Variants in MYH9 observed in about 807,000 individuals in gnomAD.
MYH9 encodes the protein myosin-9.
In MYH9, 29 loss-of-function variants were observed where a neutral mutation model predicts 241.9. The ratio of observed to expected loss-of-function variants is 0.12; its 90% CI spans 0.09 to 0.16. The LOEUF (loss-of-function observed/expected upper bound fraction) is 0.16. MYH9 is among the 10% of genes least tolerant of loss of function. The pLI, the probability that MYH9 is intolerant of heterozygous loss-of-function variation, is 1.00. For missense variants in MYH9, 1,803 were observed against 2,595.5 expected (o/e 0.69, Z 6.63); for synonymous variants, 1,047 against 1,062.6 (o/e 0.99, Z 0.29).
At chr22:36,297,667 A>G (rs752814139) in intron 24 of MYH9, among the ~76,000 whole-genome samples, 17 of 152,202 alleles carry the variant, frequency 1.1e-4, no homozygotes, top group Non-Finnish European at 2.2e-4. Context: ...ACATTTGTCT[A>G]GGATTCCATT....
At chr22:36,299,708 C>T (rs374627065) in intron 23 of MYH9, among the ~76,000 whole-genome samples, 3 of 152,292 alleles carry the variant, frequency 2.0e-5, no homozygotes, top group Non-Finnish European at 4.4e-5. Context: ...GGGCAGACAC[C>T]GACAGGGACC....
chr22:36,332,009 G>A (rs577735795), intron 3 of MYH9, among the ~76,000 whole-genome samples: 16 of 152,240 alleles, frequency 1.1e-4, no homozygotes, highest in South Asian at 2.1e-4. Context: ...CTTGCTATAT[G>A]TGTTGGCACT....
At chr22:36,343,800 G>A (rs901523672) in intron 2 of MYH9, among the ~76,000 whole-genome samples, 19 of 152,168 alleles carry the variant, frequency 1.2e-4, no homozygotes, top group Non-Finnish European at 1.8e-4. Flanking sequence ...TTTCCTCTGC[G>A]TGAATGTTGA....
rs71323001 is a variant in MYH9, at chr22:36,353,102, C to CGTGT, written c.-19-3851_-19-3848dup. 2.8e-3 allele frequency among the ~76,000 whole-genome samples: 403 copies of CGTGT among 142,968 alleles called. 1 individual carries two copies. The highest frequency in any genetic ancestry group is 6.0e-3 in the African/African-American group (215 of 36,126). The allele number at this position is 142,968 out of a possible 152,430, so 93.8% of individuals were successfully genotyped here. On this transcript the variant is annotated intron_variant, in intron 1 of 40. Transcript: ENST00000216181. The stretch of plus-strand genomic sequence containing the variant: ...CACTCGTATCCTGTGCCTCTGGGGG[C>CGTGT]GTGTGTGTGTGTGTGTGTGTGTGTG...
rs201405521 is a variant in MYH9, at chr22:36,288,915, G to T, written c.4582C>A (p.Arg1528=). The T allele has an allele frequency of 6.2e-7, 1 of 1,613,956 alleles. No individual in the cohort carries two copies. Among genetic ancestry groups the T allele is most frequent in the East Asian group, 2.2e-5 (1 of 44,874 alleles). ...TCCTCCACCTGCTGCTCTAGGGCCC[G>T]CTTGGACTTCTCCAGCTCGTGGACC... ...KSVHELEKSK[R]ALEQQVEEMK... The change falls in exon 33 of 41, where the codon CGG becomes AGG. Residue 1528 remains arginine, a synonymous_variant. Transcript: ENST00000216181. This position sits in a 1 kb window ranked among gnomAD's most constrained non-coding sequence, Gnocchi z 4.8.
Position 36,306,076 on chromosome 22 carries a change from G to T in MYH9, c.2038-25C>A. On this transcript the variant is annotated intron_variant, in intron 16 of 40. Transcript: ENST00000216181. This position sits in a 1 kb window ranked among gnomAD's most constrained non-coding sequence, Gnocchi z 4.1. The stretch of plus-strand genomic sequence containing the variant: ...CCTGGAGAAGAAAACACATGCATGC[G>T]GTCTCACTTCCGTGCCTAGAACAGT... 1 of 1,612,086 alleles carries T rather than the reference G, an allele frequency of 6.2e-7. No individual in the cohort carries two copies. The highest frequency in any genetic ancestry group is 2.2e-5 in the East Asian group (1 of 44,880).
At chr22:36,298,330 C>G (rs1369304769) in intron 24 of MYH9, among the ~76,000 whole-genome samples, 1 of 152,150 alleles carries the variant, frequency 6.6e-6, no homozygotes, top group East Asian at 1.9e-4. Context: ...CCAGCACCCC[C>G]TCCCTGCCAC....
chr22:36,346,816 G>A (rs1013062984), intron 2 of MYH9, among the ~76,000 whole-genome samples: 6 of 152,072 alleles, frequency 3.9e-5, no homozygotes, highest in Non-Finnish European at 8.8e-5. Flanking sequence ...ATGTTGCCCA[G>A]ATTGGTATCA....
At position 36,319,530 on chromosome 22, in the gene MYH9, CG is replaced by C. The variant is rs1569535934; in HGVS notation, c.1108+9del. On this transcript the variant is annotated intron_variant, in intron 10 of 40. Coordinates refer to ENST00000216181, the MANE Select transcript of MYH9 (RefSeq NM_002473.6). ...CCCCATTATTTCCAGCGAGAGGCCCCGGGTGTTACCTGTGTTGTCGGGCATG... is the reference window on the plus strand; with the variant it reads ...CCCCATTATTTCCAGCGAGAGGCCCCGGTGTTACCTGTGTTGTCGGGCATG... The C allele has an allele frequency of 6.2e-7, 1 of 1,613,788 alleles. No homozygotes were observed. Among genetic ancestry groups the C allele is most frequent in the Admixed American group, 1.7e-5 (1 of 60,014 alleles).
rs867751525 is a variant in MYH9 at position 36,315,724 on chromosome 22, G to A, written c.1380+793C>T. On this transcript the variant is annotated intron_variant, in intron 12 of 40. Transcript: ENST00000216181. ...GTTCACACCACTGCACTCCAGCCTGGGTGACAGAGCAAGACCCTGCCTCAA... is the reference window on the plus strand; with the variant it reads ...GTTCACACCACTGCACTCCAGCCTGAGTGACAGAGCAAGACCCTGCCTCAA... 1.5e-4 allele frequency among the ~76,000 whole-genome samples: 22 copies of A among 148,444 alleles called. 1 individual carries two copies. Among genetic ancestry groups the A allele is most frequent in the African/African-American group, 5.0e-4 (20 of 40,400 alleles).
In MYH9 at chr22:36,362,112, G is replaced by A. The variant is rs112620358; in HGVS notation, c.-19-12857C>T. 2.8e-3 allele frequency among the ~76,000 whole-genome samples: 432 copies of A among 152,260 alleles called. 2 individuals carry two copies. Among genetic ancestry groups the A allele is most frequent in the African/African-American group, 1.0e-2 (415 of 41,548 alleles). ...AATCATCCTCCCTTACCTGCATGGA[G>A]GGGGCAATGAGAAGTCAGTGGTTGG... is the stretch of plus-strand genomic sequence containing the variant. On this transcript the variant is annotated intron_variant, in intron 1 of 40. Transcript: ENST00000216181.
intron 20 of MYH9, 25 bp downstream of exon 20, chr22:36,302,543 C>T: frequency 5.0e-6 from 8 of 1,594,294 alleles, no homozygotes; most frequent in Non-Finnish European, 6.0e-6. Flanking sequence ...GTCCCAGCTA[C>T]TCAGGAGGCC....
chr22:36,351,507 G>C (rs935910270), intron 1 of MYH9, among the ~76,000 whole-genome samples: 4 of 152,170 alleles, frequency 2.6e-5, no homozygotes, highest in Admixed American at 1.3e-4. Flanking sequence ...ATTTTCAGCT[G>C]TCTGCACTTC....
rs771942552 is a variant in MYH9 at position 36,301,594 on chromosome 22, G to A, written c.2571C>T (p.Val857=). 1.9e-6 allele frequency: 3 copies of A among 1,613,988 alleles called. No individual in the cohort carries two copies. The Admixed American group carries it at 5.0e-5, about 27-fold the overall frequency. ...TCTCCGCAGCCAGCTGCTTCTCTCT[G>A]ACCTTCACCAGCTCCTCCTCCTTGG... ...MMAKEEELVK[V]REKQLAAENR... The change falls in exon 21 of 41, where the codon GTC becomes GTT. Residue 857 remains valine, a synonymous_variant. Coordinates refer to ENST00000216181, the MANE Select transcript of MYH9 (RefSeq NM_002473.6).
rs533069113 is a variant in MYH9 at position 36,282,601 on chromosome 22, C to T, written c.*67G>A. 27 of 1,429,052 alleles carry T rather than the reference C, an allele frequency of 1.9e-5. No homozygotes were observed. Among genetic ancestry groups the T allele is most frequent in the Middle Eastern group, 3.5e-4 (2 of 5,696 alleles). 88.5% of individuals were successfully genotyped at this position (1,429,052 alleles called of 1,614,324 possible). A position where few individuals can be genotyped will look rare whatever the true frequency, so the allele number is the denominator to read the frequency against. On this transcript the variant is annotated 3_prime_UTR_variant, in exon 41 of 41. Transcript: ENST00000216181. ...CAAGAAGGTGGGGAGAGGCGTGCTG[C>T]GGGGTCTGGGAAGGGGAGGCTGTGG...
chr22:36,302,037 G>A (rs765142224), intron 20 of MYH9, among the ~76,000 whole-genome samples: 1 of 152,114 alleles, frequency 6.6e-6, no homozygotes, highest in Non-Finnish European at 1.5e-5. Flanking sequence ...TGGAACGTAC[G>A]AACTACAACT....
chr22:36,333,972 T>C (rs1190974581), intron 3 of MYH9, among the ~76,000 whole-genome samples: 1 of 152,092 alleles, frequency 6.6e-6, no homozygotes, highest in African/African-American at 2.4e-5. Flanking sequence ...CAAAAAACAC[T>C]GGGCAAAGCT....
chr22:36,310,481 A>G (rs1243607831), intron 14 of MYH9, among the ~76,000 whole-genome samples: 1 of 152,234 alleles, frequency 6.6e-6, no homozygotes, highest in Non-Finnish European at 1.5e-5. Context: ...ATACCCAGAG[A>G]GCATCAGGGA....
At chr22:36,302,837 T>C (rs1021798799) in intron 19 of MYH9, among the ~76,000 whole-genome samples, 161 bp from the exon 20 acceptor site, 6 of 152,282 alleles carry the variant, frequency 3.9e-5, no homozygotes, top group African/African-American at 1.4e-4. Flanking sequence ...GAGATAAGTT[T>C]CTCCCACTTA....
Sources: allele counts gnomAD v4.1 joint callset (sites outside exome capture counted in the v4.1 genomes callset), GRCh38; gene constraint gnomAD v4.1.1; non-coding constraint Gnocchi (gnomAD v3.1); transcripts MANE v1.5; gene names NCBI Gene and HGNC (gene_info 2026-07-23, HGNC 2026-07-21).